The following TMEM132D variants were observed in gnomAD, a reference collection of about 807,000 sequenced individuals.
TMEM132D encodes mature OL transmembrane protein.
In TMEM132D, 21 loss-of-function variants were observed where a neutral mutation model predicts 62.3. The observed-to-expected ratio is 0.34, with a 90% CI of 0.24 to 0.49. TMEM132D has a LOEUF of 0.49. Among genes scored for constraint, TMEM132D ranks in the 20% least tolerant of loss-of-function variants. The probability of loss-of-function intolerance (pLI) is 0.99; values close to 1 mark genes in which losing one functional copy is unlikely to be tolerated. For synonymous variants in TMEM132D, 621 were observed against 575.6 expected (o/e 1.08, Z -1.13); for missense variants, 1,346 against 1,402.8 (o/e 0.96, Z 0.65).
intron 2 of TMEM132D, among the ~76,000 whole-genome samples, chr12:129,534,481 A>G (rs1876323785): frequency 6.6e-6 from 1 of 152,192 alleles, no homozygotes; most frequent in Admixed American, 6.6e-5. Context: ...TACATAATGT[A>G]GAATATGTAT....
At chr12:129,537,241 A>G (rs1238979675) in intron 2 of TMEM132D, among the ~76,000 whole-genome samples, 2 of 151,850 alleles carry the variant, frequency 1.3e-5, no homozygotes, top group Non-Finnish European at 2.9e-5. Context: ...GGGTTGGACT[A>G]TTGAAATAAT....
chr12:129,346,283 T>G (rs1016776358), intron 3 of TMEM132D, among the ~76,000 whole-genome samples: 14 of 152,314 alleles, frequency 9.2e-5, no homozygotes, highest in South Asian at 8.3e-4. Flanking sequence ...TCAGTGGAGA[T>G]ATCCCCTTTA....
chr12:129,674,665 A>G (rs1241397401), intron 2 of TMEM132D, among the ~76,000 whole-genome samples: 1 of 151,950 alleles, frequency 6.6e-6, no homozygotes, highest in Non-Finnish European at 1.5e-5. Context: ...TCAGCCTCCC[A>G]AGTAGCTGGG....
intron 4 of TMEM132D, among the ~76,000 whole-genome samples, chr12:129,272,828 A>G (rs1011976270): frequency 7.2e-5 from 11 of 151,832 alleles, no homozygotes; most frequent in African/African-American, 2.7e-4. Context: ...TGGGAGGCCA[A>G]GATGGGCAGG....
chr12:129,668,515 AAAAC>A (rs1401443661), intron 2 of TMEM132D, among the ~76,000 whole-genome samples: 1 of 151,930 alleles, frequency 6.6e-6, no homozygotes, highest in African/African-American at 2.4e-5. Context: ...ATAGAGGAAA[AAAAC>A]AAACTTCTAG....
chr12:129,824,039 C>G (rs1446774014), intron 1 of TMEM132D, among the ~76,000 whole-genome samples: 1 of 152,124 alleles, frequency 6.6e-6, no homozygotes, highest in Non-Finnish European at 1.5e-5. Context: ...GACAGACACT[C>G]TACCGTGGGC....
At chr12:129,086,772 A>G (rs1593255039) in intron 5 of TMEM132D, among the ~76,000 whole-genome samples, 2 of 150,364 alleles carry the variant, frequency 1.3e-5, no homozygotes, top group East Asian at 3.9e-4. Flanking sequence ...TTTGAAATAT[A>G]TATTTATGTA....
At chr12:129,717,158 T>C (rs1868610828) in intron 1 of TMEM132D, among the ~76,000 whole-genome samples, 1 of 152,194 alleles carries the variant, frequency 6.6e-6, no homozygotes, top group Admixed American at 6.5e-5. Context: ...TGAACAACCG[T>C]ACACGACAGC....
At chr12:129,093,770 C>T (rs973353546) in intron 5 of TMEM132D, among the ~76,000 whole-genome samples, 1 of 152,162 alleles carries the variant, frequency 6.6e-6, no homozygotes, top group African/African-American at 2.4e-5. Flanking sequence ...CATCACACTA[C>T]CTGACTTCAA....
At chr12:129,131,114 G>A (rs1361172748) in intron 5 of TMEM132D, among the ~76,000 whole-genome samples, 1 of 152,164 alleles carries the variant, frequency 6.6e-6, no homozygotes, top group African/African-American at 2.4e-5. Context: ...GGGTACTAAT[G>A]AAAATCCTGA....
At chr12:129,600,240 T>A (rs1399168994) in intron 2 of TMEM132D, among the ~76,000 whole-genome samples, 3 of 152,230 alleles carry the variant, frequency 2.0e-5, no homozygotes, top group Non-Finnish European at 4.4e-5. Flanking sequence ...TCTTTGTTCA[T>A]CCATAAGAAG....
intron 1 of TMEM132D, among the ~76,000 whole-genome samples, chr12:129,775,298 C>T (rs1232836189): frequency 6.6e-6 from 1 of 152,154 alleles, no homozygotes; most frequent in Non-Finnish European, 1.5e-5. Flanking sequence ...ATGAGGACAC[C>T]GTGAAATATC....
At chr12:129,826,827 G>A (rs1231324522) in intron 1 of TMEM132D, among the ~76,000 whole-genome samples, 1 of 152,120 alleles carries the variant, frequency 6.6e-6, no homozygotes, top group African/African-American at 2.4e-5. Context: ...GAGAAGCTTC[G>A]CTGGTCAACC....
chr12:129,871,339 G>A (rs1293917552), intron 1 of TMEM132D, among the ~76,000 whole-genome samples: 2 of 152,076 alleles, frequency 1.3e-5, no homozygotes, highest in Non-Finnish European at 2.9e-5. Context: ...GGGCAAGTCT[G>A]CCCAAGAGTG....
intron 3 of TMEM132D, among the ~76,000 whole-genome samples, chr12:129,348,031 C>T (rs748492816): frequency 7.2e-5 from 11 of 152,032 alleles, no homozygotes; most frequent in East Asian, 5.8e-4. Flanking sequence ...GTCAGAATGG[C>T]GATCATTAAA....
intron 4 of TMEM132D, 98 bp downstream of exon 4, chr12:129,337,536 C>T: frequency 6.9e-7 from 1 of 1,443,684 alleles, no homozygotes; most frequent in Non-Finnish European, 9.5e-7. Context: ...ATTCTTGGCT[C>T]CTCCCCTTTT....
intron 2 of TMEM132D, among the ~76,000 whole-genome samples, chr12:129,626,276 G>C (rs944691585): frequency 2.0e-5 from 3 of 152,184 alleles, no homozygotes; most frequent in South Asian, 2.1e-4. Context: ...GTTTTTGTTC[G>C]TGAAACCCTT....
At chr12:129,640,889 T>C (rs1593101245) in intron 2 of TMEM132D, among the ~76,000 whole-genome samples, 2 of 152,120 alleles carry the variant, frequency 1.3e-5, no homozygotes, top group East Asian at 3.9e-4. Context: ...CCAACCCTAC[T>C]GTGAACTGTG....
intron 1 of TMEM132D, among the ~76,000 whole-genome samples, chr12:129,800,242 A>C (rs185736045): frequency 6.6e-6 from 1 of 152,268 alleles, no homozygotes; most frequent in Admixed American, 6.5e-5. Flanking sequence ...GAGTTTTTAA[A>C]GGGGAAGAGG....
Sources: gnomAD v4.1 joint callset for allele counts (sites outside exome capture counted in the v4.1 genomes callset) on GRCh38, gnomAD v4.1.1 for gene constraint, MANE v1.5 for transcripts, NCBI Gene and HGNC (gene_info 2026-07-23, HGNC 2026-07-21) for gene names.